ADAMTS17: variants seen among roughly 807,000 people sequenced by gnomAD.
ADAMTS17 encodes the protein ADAM metallopeptidase with thrombospondin type 1 motif 17.
A neutral mutation model predicts 141.5 loss-of-function variants in ADAMTS17; 113 were observed. The ratio of observed to expected loss-of-function variants is 0.80; its 90% CI spans 0.69 to 0.93. The LOEUF is 0.93. Among genes scored for constraint, ADAMTS17 ranks in the 40% least tolerant of loss-of-function variants. The pLI, the probability that ADAMTS17 is intolerant of heterozygous loss-of-function variation, is 0.00. For missense variants in ADAMTS17, 1,659 were observed against 1,517.9 expected, an observed-to-expected ratio of 1.09 and a Z score of -1.54; for synonymous variants, 768 against 630.6, an observed-to-expected ratio of 1.22 and a Z score of -3.27.
intron 15 of ADAMTS17, among the ~76,000 whole-genome samples, chr15:100,089,990 A>AT (rs201938363): frequency 2.3e-5 from 3 of 127,882 alleles, no homozygotes; most frequent in African/African-American, 1.1e-4. Flanking sequence ...TAATAATAAA[A>AT]TTAAAAAAAA....
intron 7 of ADAMTS17, among the ~76,000 whole-genome samples, chr15:100,208,611 C>A (rs889880739): frequency 6.6e-6 from 1 of 152,164 alleles, no homozygotes; most frequent in African/African-American, 2.4e-5. Flanking sequence ...GTTTCTAGAT[C>A]CAGGTCATCA....
intron 8 of ADAMTS17, among the ~76,000 whole-genome samples, chr15:100,169,466 C>T (rs2141461064): frequency 6.6e-6 from 1 of 152,326 alleles, no homozygotes; most frequent in Non-Finnish European, 1.5e-5. Context: ...CTACTCATTA[C>T]ATATATCATC....
Position 100,094,400 on chromosome 15 carries a change from C to G in ADAMTS17, c.2137+1956G>C, listed in dbSNP as rs1357650150. ...TGGATGGAGAAGGGAAAGGGGTGAG[C>G]AGGAGAGGAGGACATTACTGTGGCC... On this transcript the variant is annotated intron_variant, in intron 15 of 21. Coordinates refer to ENST00000268070, the MANE Select transcript of ADAMTS17 (RefSeq NM_139057.4). Among the ~76,000 whole-genome samples, 4 of 152,212 alleles carry G rather than the reference C, an allele frequency of 2.6e-5. No individual in the cohort carries two copies. The East Asian group carries it at 7.7e-4, about 29-fold the overall frequency.
At chr15:100,286,773 G>A (rs1379335947) in intron 3 of ADAMTS17, among the ~76,000 whole-genome samples, 1 of 152,056 alleles carries the variant, frequency 6.6e-6, no homozygotes, top group African/African-American at 2.4e-5. Context: ...ACCTCCAAAT[G>A]ACCACACTAG....
At chr15:100,147,513 G>A (rs1486338086) in intron 10 of ADAMTS17, among the ~76,000 whole-genome samples, 4 of 152,086 alleles carry the variant, frequency 2.6e-5, no homozygotes, top group Non-Finnish European at 4.4e-5. Context: ...GCCTGCTGTA[G>A]GCAACTGTAA....
intron 3 of ADAMTS17, among the ~76,000 whole-genome samples, chr15:100,289,918 G>C (rs567933699): frequency 8.5e-5 from 13 of 152,126 alleles, no homozygotes; most frequent in African/African-American, 3.1e-4. Context: ...ATACTCAATG[G>C]GCAGAAGCTG....
intron 15 of ADAMTS17, chr15:100,063,890 G>C (rs1421909293): frequency 3.8e-6 from 2 of 533,008 alleles, no homozygotes; most frequent in Non-Finnish European, 6.4e-6. Context: ...TGGCGCAGAA[G>C]AAGGAGGCTC....
chr15:100,220,474 A>G (rs1034117337), intron 7 of ADAMTS17, among the ~76,000 whole-genome samples: 5 of 152,268 alleles, frequency 3.3e-5, no homozygotes, highest in African/African-American at 1.2e-4. Context: ...AACAACTGAT[A>G]ATATTTTCTC....
intron 7 of ADAMTS17, among the ~76,000 whole-genome samples, chr15:100,219,954 AC>A (rs1317813865): frequency 3.9e-5 from 6 of 152,196 alleles, no homozygotes; most frequent in African/African-American, 1.4e-4. Flanking sequence ...TACATCTGTT[AC>A]CCCACAACAA....
intron 7 of ADAMTS17, among the ~76,000 whole-genome samples, chr15:100,246,701 C>G (rs1209050269): frequency 6.6e-6 from 1 of 152,076 alleles, no homozygotes; most frequent in African/African-American, 2.4e-5. Flanking sequence ...TAGGCAATGT[C>G]TGGAGACTAC....
chr15:100,291,388 A>G (rs951491478), intron 3 of ADAMTS17, among the ~76,000 whole-genome samples: 1 of 152,240 alleles, frequency 6.6e-6, no homozygotes, highest in Non-Finnish European at 1.5e-5. Flanking sequence ...AATGCTTTAT[A>G]CACTGCTGGT....
At chr15:100,003,459 G>C (rs954367394) in intron 18 of ADAMTS17, among the ~76,000 whole-genome samples, 29 of 152,102 alleles carry the variant, frequency 1.9e-4, no homozygotes, top group Non-Finnish European at 2.1e-4. Flanking sequence ...TTGGCCGCGA[G>C]TAAGCGAGGC....
chr15:100,241,927 T>C (rs922674793), intron 7 of ADAMTS17, among the ~76,000 whole-genome samples: 1 of 152,212 alleles, frequency 6.6e-6, no homozygotes, highest in Non-Finnish European at 1.5e-5. Flanking sequence ...ATTCGGTCTC[T>C]GGTAGAGCAG....
chr15:100,321,402 A>G (rs1165690504), intron 3 of ADAMTS17, among the ~76,000 whole-genome samples: 1 of 152,240 alleles, frequency 6.6e-6, no homozygotes, highest in African/African-American at 2.4e-5. Context: ...ATGAAAAAAC[A>G]TATTCCCAAA....
chr15:100,188,234 G>T (rs112139080), intron 8 of ADAMTS17, among the ~76,000 whole-genome samples: 28 of 152,082 alleles, frequency 1.8e-4, no homozygotes, highest in Non-Finnish European at 2.6e-4. Flanking sequence ...GCACCACCAT[G>T]CCCAGCTAAT....
intron 3 of ADAMTS17, among the ~76,000 whole-genome samples, chr15:100,315,217 T>C (rs1279298995): frequency 1.3e-5 from 2 of 152,226 alleles, no homozygotes; most frequent in African/African-American, 4.8e-5. Context: ...AGGTATCCAC[T>C]GCAGGGATAA....
chr15:100,058,717 C>T (rs4246298), intron 15 of ADAMTS17, among the ~76,000 whole-genome samples: 144,600 of 152,302 alleles, frequency 0.95, 68,863 homozygotes, highest in Non-Finnish European at 0.99. Context: ...CACTAGGGCC[C>T]TGGAGCCTGC....
rs71405360 is a variant in ADAMTS17 at position 100,101,249 on chromosome 15, C to T, written c.2017-4773G>A. Among the ~76,000 whole-genome samples the T allele has an allele frequency of 4.7e-5, 7 of 148,524 alleles. No individual in the cohort carries two copies. The East Asian group carries it at 9.7e-4, about 21-fold the overall frequency. On this transcript the variant is annotated intron_variant, in intron 14 of 21. Coordinates refer to ENST00000268070, the MANE Select transcript of ADAMTS17 (RefSeq NM_139057.4). ...ACTGTCCTCCTCAGCCACAGTCCCCCGCTGGGTCTCTCTATGGCACCATTT... is the reference window on the plus strand; with the variant it reads ...ACTGTCCTCCTCAGCCACAGTCCCCTGCTGGGTCTCTCTATGGCACCATTT...
intron 18 of ADAMTS17, among the ~76,000 whole-genome samples, chr15:100,043,413 A>C (rs1252481044): frequency 6.6e-6 from 1 of 152,228 alleles, no homozygotes; most frequent in Non-Finnish European, 1.5e-5. Context: ...TTACACAATA[A>C]AAAGAAATTC....
Sources: allele counts gnomAD v4.1 joint callset (sites outside exome capture counted in the v4.1 genomes callset), GRCh38; gene constraint gnomAD v4.1.1; transcripts MANE v1.5; gene names NCBI Gene and HGNC (gene_info 2026-07-23, HGNC 2026-07-21).